Variants in GSE1 observed in about 807,000 individuals in gnomAD.
GSE1 encodes genetic suppressor element 1.
Under a neutral mutation model 112.6 loss-of-function variants are expected in GSE1, and 32 were observed. That is an observed-to-expected ratio of 0.28 (90% confidence interval 0.21 to 0.38). The LOEUF (loss-of-function observed/expected upper bound fraction) is 0.38. Ranked by LOEUF, GSE1 falls within the 10% of genes least tolerant of loss-of-function variation. The pLI, the probability that GSE1 is intolerant of heterozygous loss-of-function variation, is 1.00. For missense variants in GSE1, 2,348 were observed against 1,699.2 expected (o/e 1.38, Z -6.71); for synonymous variants, 1,115 against 735.6 (o/e 1.52, Z -8.35).
At chr16:85,590,069 C>A (rs546833359) in intron 1 of GSE1, among the ~76,000 whole-genome samples, 1 of 151,958 alleles carries the variant, frequency 6.6e-6, no homozygotes, top group African/African-American at 2.4e-5. Context: ...ATGAATGTAT[C>A]TGATTGTGAA....
At chr16:85,341,511 A>T (rs2046623322) in intron 1 of GSE1, among the ~76,000 whole-genome samples, 1 of 152,200 alleles carries the variant, frequency 6.6e-6, no homozygotes, top group South Asian at 2.1e-4. Flanking sequence ...TACAAAAATT[A>T]GCTGGGCTTG....
At chr16:85,182,418 G>C (rs997727783) in intron 1 of GSE1, among the ~76,000 whole-genome samples, 5 of 152,224 alleles carry the variant, frequency 3.3e-5, no homozygotes, top group African/African-American at 1.2e-4. Context: ...GCAGCACCCA[G>C]ACAAGGTGTC....
chr16:85,554,084 G>A (rs550948953), upstream of GSE1, among the ~76,000 whole-genome samples: 1 of 152,142 alleles, frequency 6.6e-6, no homozygotes, highest in Admixed American at 6.5e-5. Flanking sequence ...GTGCCACCGA[G>A]GGGCCCCTCA....
At chr16:85,404,518 A>G (rs1379919600) in intron 2 of GSE1, among the ~76,000 whole-genome samples, 18 of 44,084 alleles carry the variant, frequency 4.1e-4, no homozygotes, top group Admixed American at 7.0e-4. Flanking sequence ...CCTCACTGTT[A>G]CTCTCAGGCC....
intron 1 of GSE1, among the ~76,000 whole-genome samples, chr16:85,557,568 G>C (rs1214884349): frequency 6.6e-6 from 1 of 151,526 alleles, no homozygotes; most frequent in Admixed American, 6.6e-5. Flanking sequence ...TTCGGTTTCG[G>C]GTTTTTTTTT....
intron 1 of GSE1, among the ~76,000 whole-genome samples, chr16:85,315,060 G>T (rs2045958445): frequency 6.6e-6 from 1 of 152,240 alleles, no homozygotes; most frequent in Non-Finnish European, 1.5e-5. Context: ...GCCCAGTGAA[G>T]ATCTGTCACT....
chr16:85,472,915 C>T (rs1035811657), intron 2 of GSE1, among the ~76,000 whole-genome samples: 3 of 152,244 alleles, frequency 2.0e-5, no homozygotes, highest in Non-Finnish European at 2.9e-5. Flanking sequence ...GCCATGGCTC[C>T]TCCAACTGAG....
intron 1 of GSE1, among the ~76,000 whole-genome samples, chr16:85,267,032 C>T (rs1024033546): frequency 1.3e-5 from 2 of 152,210 alleles, no homozygotes; most frequent in African/African-American, 4.8e-5. Flanking sequence ...TCCTTCCTGC[C>T]CGGGAGGCTG....
At chr16:85,443,146 G>A (rs1481570723) in intron 2 of GSE1, among the ~76,000 whole-genome samples, 1 of 152,236 alleles carries the variant, frequency 6.6e-6, no homozygotes, top group Non-Finnish European at 1.5e-5. Flanking sequence ...GGTTTGAGGT[G>A]GAAGTGAATG....
At chr16:85,268,578 A>T (rs1179028222) in intron 1 of GSE1, among the ~76,000 whole-genome samples, 1 of 152,132 alleles carries the variant, frequency 6.6e-6, no homozygotes, top group Non-Finnish European at 1.5e-5. Flanking sequence ...TGTCTGATTA[A>T]ACCCTGTCTG....
At chr16:85,491,847 G>A (rs573872419) in intron 2 of GSE1, among the ~76,000 whole-genome samples, 3 of 152,298 alleles carry the variant, frequency 2.0e-5, no homozygotes, top group Admixed American at 6.5e-5. Context: ...GAGACACAGC[G>A]CCCCTTGCGA....
At chr16:85,217,627 A>G (rs1377840808) in intron 1 of GSE1, among the ~76,000 whole-genome samples, 2 of 152,222 alleles carry the variant, frequency 1.3e-5, no homozygotes, top group Non-Finnish European at 2.9e-5. Context: ...AAATGCGTGA[A>G]TACATGGAGA....
intron 2 of GSE1, among the ~76,000 whole-genome samples, chr16:85,368,264 A>G (rs1297523240): frequency 6.6e-6 from 1 of 152,190 alleles, no homozygotes; most frequent in Non-Finnish European, 1.5e-5. Context: ...TCCAGGACCC[A>G]GGGTGGAGTC....
intron 1 of GSE1, among the ~76,000 whole-genome samples, chr16:85,236,613 T>G (rs752451444): frequency 6.6e-6 from 1 of 152,136 alleles, no homozygotes; most frequent in Non-Finnish European, 1.5e-5. Flanking sequence ...GCTTGAAGGC[T>G]GTGAATGCCT....
exon 1 of GSE1, chr16:85,170,971 C>T (rs2074350226): frequency 3.9e-5 from 38 of 985,496 alleles, no homozygotes; most frequent in Non-Finnish European, 4.3e-5. Flanking sequence ...GGCCTGCTAC[C>T]TCTGTGGGGA....
rs2053641764 is a variant in GSE1 at position 85,675,725 on chromosome 16, G to A, written c.*3186G>A. ...CCTGAGCCACATGTTTCACACAAGTGTAGAAAATGCCAGGGATCCACCACA... is the reference window on the plus strand; with the variant it reads ...CCTGAGCCACATGTTTCACACAAGTATAGAAAATGCCAGGGATCCACCACA... On this transcript the variant is annotated 3_prime_UTR_variant, in exon 16 of 16. Coordinates refer to ENST00000253458, the MANE Select transcript of GSE1 (RefSeq NM_014615.5). 6.6e-6 allele frequency: 1 copy of A among 152,250 alleles called. No individual in the cohort carries two copies. The highest frequency in any genetic ancestry group is 1.5e-5 in the Non-Finnish European group (1 of 68,048). 9.4% of individuals were successfully genotyped at this position (152,250 alleles called of 1,614,324 possible). A position where few individuals can be genotyped will look rare whatever the true frequency, so the allele number is the denominator to read the frequency against.
chr16:85,498,581 A>G (rs2051259347), intron 2 of GSE1, among the ~76,000 whole-genome samples: 1 of 152,036 alleles, frequency 6.6e-6, no homozygotes, highest in African/African-American at 2.4e-5. Context: ...CATACCTTAC[A>G]TATATATAAA....
At chr16:85,212,475 G>T (rs2075242858) in intron 1 of GSE1, among the ~76,000 whole-genome samples, 1 of 152,140 alleles carries the variant, frequency 6.6e-6, no homozygotes, top group Non-Finnish European at 1.5e-5. Context: ...AAGCCGATAG[G>T]ACTGATGTAG....
intron 1 of GSE1, among the ~76,000 whole-genome samples, chr16:85,330,191 T>A (rs1482573042): frequency 2.0e-5 from 3 of 152,154 alleles, no homozygotes; most frequent in African/African-American, 7.2e-5. Context: ...GCTTTGCAGA[T>A]GTGAGCTAGG....
Sources: allele counts gnomAD v4.1 joint callset (sites outside exome capture counted in the v4.1 genomes callset), GRCh38; gene constraint gnomAD v4.1.1; transcripts MANE v1.5; gene names NCBI Gene and HGNC (gene_info 2026-07-23, HGNC 2026-07-21).